The following EMILIN2 variants were observed in gnomAD, a reference collection of about 807,000 sequenced individuals.
EMILIN2 encodes the protein EMILIN-2.
In EMILIN2, 71 loss-of-function variants were observed where a neutral mutation model predicts 87.1. The observed-to-expected ratio is 0.82, with a 90% CI of 0.67 to 0.99. EMILIN2 has a LOEUF of 0.99. Ranked by LOEUF, EMILIN2 falls within the 50% of genes least tolerant of loss-of-function variation. The pLI is 0.00. For missense variants in EMILIN2, 1,407 were observed against 1,371.8 expected (o/e 1.03, Z -0.40); for synonymous variants, 581 against 563.4 (o/e 1.03, Z -0.44).
intron 4 of EMILIN2, among the ~76,000 whole-genome samples, chr18:2,898,378 C>T (rs1486925179): frequency 6.6e-6 from 1 of 152,198 alleles, no homozygotes; most frequent in Non-Finnish European, 1.5e-5. Context: ...CTTTAGCTTC[C>T]CCTGGCCCCA....
chr18:2,911,916 T>G (rs2076942730), intron 7 of EMILIN2, among the ~76,000 whole-genome samples: 1 of 139,328 alleles, frequency 7.2e-6, no homozygotes, highest in African/African-American at 2.5e-5. Context: ...CCAGGTACCT[T>G]AGGAAGCATC....
At position 2,913,686 on chromosome 18, in the gene EMILIN2, T is replaced by G; in HGVS notation, c.*282T>G. ...ACCTGTATCTACACTCTGAGGGCCC[T>G]GGACTGGGCCTGAGCTTGCCACAGA... On this transcript the variant is annotated 3_prime_UTR_variant, in exon 8 of 8. Coordinates refer to ENST00000254528, the MANE Select transcript of EMILIN2 (RefSeq NM_032048.3). 1.4e-5 allele frequency: 5 copies of G among 365,430 alleles called. No individual in the cohort carries two copies. Among genetic ancestry groups the G allele is most frequent in the Non-Finnish European group, 2.5e-5 (5 of 200,020 alleles). The allele number at this position is 365,430 out of a possible 1,614,324, so 22.6% of individuals were successfully genotyped here.
intron 2 of EMILIN2, among the ~76,000 whole-genome samples, chr18:2,851,502 C>G (rs531360843): frequency 6.6e-6 from 1 of 152,028 alleles, no homozygotes; most frequent in Admixed American, 6.6e-5. Flanking sequence ...GAGAGTGCTC[C>G]GAGACTGAGG....
chr18:2,908,240 A>G (rs1386690287), intron 5 of EMILIN2, among the ~76,000 whole-genome samples: 1 of 152,180 alleles, frequency 6.6e-6, no homozygotes, highest in Non-Finnish European at 1.5e-5. Flanking sequence ...CCTTCCGTGC[A>G]TGCAGCACTC....
Position 2,882,971 on chromosome 18 carries a change from T to C in EMILIN2, c.258-1993T>C, listed in dbSNP as rs144299173. 3.3e-3 allele frequency among the ~76,000 whole-genome samples: 500 copies of C among 152,162 alleles called. 4 individuals are homozygous for C. The highest frequency in any genetic ancestry group is 0.012 in the African/African-American group (482 of 41,516). On this transcript the variant is annotated intron_variant, in intron 2 of 7. Transcript: ENST00000254528. ...TGGAGGATCACTTGAGCCCAGGAGT[T>C]TGAGGTTGCAGTGTACCATGATTGT...
chr18:2,877,200 A>C (rs668296), intron 2 of EMILIN2, among the ~76,000 whole-genome samples: 2 of 152,046 alleles, frequency 1.3e-5, no homozygotes, highest in Admixed American at 6.6e-5. Flanking sequence ...ATGGTTTCAA[A>C]TGGCCAATTT....
intron 4 of EMILIN2, among the ~76,000 whole-genome samples, chr18:2,896,934 C>T (rs377664582): frequency 4.6e-5 from 7 of 152,138 alleles, no homozygotes; most frequent in African/African-American, 1.7e-4. Flanking sequence ...CCCAAGAGTT[C>T]GAGACCAGCC....
In EMILIN2 at chr18:2,852,896, G is replaced by A. The variant is rs146941457; in HGVS notation, c.257+4965G>A. 1.9e-3 allele frequency among the ~76,000 whole-genome samples: 290 copies of A among 152,300 alleles called. 1 individual carries two copies. The highest frequency in any genetic ancestry group is 6.7e-3 in the African/African-American group (279 of 41,568). On this transcript the variant is annotated intron_variant, in intron 2 of 7. Coordinates refer to ENST00000254528, the MANE Select transcript of EMILIN2 (RefSeq NM_032048.3). ...AAATTGGGATGTCTTCTCTCTCTGT[G>A]TCTCTCTCTAGTGCACAGGTACTAG...
chr18:2,861,013 C>G (rs369830518), intron 2 of EMILIN2, among the ~76,000 whole-genome samples: 2 of 152,108 alleles, frequency 1.3e-5, no homozygotes, highest in African/African-American at 4.8e-5. Flanking sequence ...TTTCATGTGT[C>G]TTTTGGCTGC....
At chr18:2,864,709 C>T (rs1485146071) in intron 2 of EMILIN2, among the ~76,000 whole-genome samples, 2 of 152,058 alleles carry the variant, frequency 1.3e-5, no homozygotes, top group Non-Finnish European at 2.9e-5. Context: ...AGTTGCTCTT[C>T]TCAAGGAGTC....
chr18:2,889,144 T>C (rs1233698630), intron 3 of EMILIN2, among the ~76,000 whole-genome samples: 3 of 139,466 alleles, frequency 2.2e-5, no homozygotes, highest in African/African-American at 8.1e-5. Context: ...TTTTTTTTTT[T>C]TTTTTTTTTT....
chr18:2,863,710 G>GAGAGTTCTGTAGATGTCTATTAGGTCC, intron 2 of EMILIN2, among the ~76,000 whole-genome samples: 1 of 152,134 alleles, frequency 6.6e-6, no homozygotes, highest in Admixed American at 6.6e-5. Context: ...ATTTGGGGTG[G>GAGAGTTCTGTAGATGTCTATTAGGTCC]AGAGTTCTGT....
Position 2,896,817 on chromosome 18 carries a change from T to C in EMILIN2, c.2359+4331T>C, listed in dbSNP as rs117528021. 5.1e-3 allele frequency among the ~76,000 whole-genome samples: 781 copies of C among 152,190 alleles called. 20 individuals are homozygous for C. Among genetic ancestry groups the C allele is most frequent in the Admixed American group, 0.037 (570 of 15,292 alleles). On this transcript the variant is annotated intron_variant, in intron 4 of 7. Coordinates refer to ENST00000254528, the MANE Select transcript of EMILIN2 (RefSeq NM_032048.3). Reference sequence around the variant, plus strand: ...GAGCCAGTGCACCTGGACAATTTTTTTTTTGGAGATGGGGGTCGGGAGACA... The same window carrying C: ...GAGCCAGTGCACCTGGACAATTTTTCTTTTGGAGATGGGGGTCGGGAGACA...
intron 4 of EMILIN2, among the ~76,000 whole-genome samples, chr18:2,905,777 T>TTG (rs1268173732): frequency 6.9e-5 from 7 of 101,802 alleles, no homozygotes; most frequent in South Asian, 4.2e-4. Context: ...TAATTTTTGT[T>TTG]TTTTTGTTTT....
At position 2,909,071 on chromosome 18, in the gene EMILIN2, G is replaced by A. The variant is rs1598507143; in HGVS notation, c.2695+96G>A. On this transcript the variant is annotated intron_variant, in intron 6 of 7. Coordinates refer to ENST00000254528, the MANE Select transcript of EMILIN2 (RefSeq NM_032048.3). The stretch of plus-strand genomic sequence containing the variant: ...CCTGCCTCCTCCCTCCAGGCTATTA[G>A]CACAAATCAAGCCTGGGCCCAGCCC... The A allele has an allele frequency of 1.9e-5, 28 of 1,479,786 alleles. No individual in the cohort carries two copies. In the East Asian group the frequency reaches 6.3e-4, roughly 33 times the overall value. The allele number at this position is 1,479,786 out of a possible 1,614,324, so 91.7% of individuals were successfully genotyped here.
rs2076872769 is a variant in EMILIN2, at chr18:2,898,270, C to T, written c.2359+5784C>T. On this transcript the variant is annotated intron_variant, in intron 4 of 7. Transcript: ENST00000254528. ...TGCCTCCCAGGCACTGGGTGACCAG[C>T]AGAGGCTGACTCCCTGCCTGGGACC... Among the ~76,000 whole-genome samples the T allele has an allele frequency of 2.0e-5, 3 of 152,268 alleles. No individual in the cohort carries two copies. The South Asian group carries it at 6.2e-4, about 31-fold the overall frequency.
At chr18:2,900,088 C>T (rs1449880152) in intron 4 of EMILIN2, among the ~76,000 whole-genome samples, 1 of 151,918 alleles carries the variant, frequency 6.6e-6, no homozygotes, top group Non-Finnish European at 1.5e-5. Context: ...ATGGTCCCTT[C>T]TGCCTTAACA....
chr18:2,892,224 C>T lies in EMILIN2; in HGVS notation c.2097C>T (p.Val699=). 1 of 1,610,486 alleles carries T rather than the reference C, an allele frequency of 6.2e-7. No homozygotes were observed. The highest frequency in any genetic ancestry group is 8.5e-7 in the Non-Finnish European group (1 of 1,177,344). ...GCACGCAGGGGGTCCAGAGGGAGGT[C>T]TCCATGGTGGAGGGCAGGGTGTCTC... The part of the protein sequence containing the change: ...KECTQGVQRE[V]SMVEGRVSHM... Residue 699 remains valine, a synonymous_variant, in exon 4 of 8, where the codon GTC becomes GTT. Transcript: ENST00000254528.
intron 2 of EMILIN2, among the ~76,000 whole-genome samples, chr18:2,849,908 T>G (rs538574870): frequency 4.0e-5 from 6 of 149,342 alleles, no homozygotes; most frequent in Non-Finnish European, 4.4e-5. Context: ...TTCCTAAGAT[T>G]TCTTTTTTGT....
Sources: allele counts gnomAD v4.1 joint callset (sites outside exome capture counted in the v4.1 genomes callset), GRCh38; gene constraint gnomAD v4.1.1; transcripts MANE v1.5; gene names NCBI Gene and HGNC (gene_info 2026-07-23, HGNC 2026-07-21).